CHSY3: variants seen among roughly 807,000 people sequenced by gnomAD.
CHSY3 encodes chondroitin sulfate synthase 3.
Under a neutral mutation model 67.2 loss-of-function variants are expected in CHSY3, and 35 were observed. The observed-to-expected ratio is 0.52, with a 90% CI of 0.40 to 0.69. The LOEUF is 0.69. CHSY3 is among the 30% of genes least tolerant of loss of function. CHSY3 has a pLI of 0.00. For missense variants in CHSY3, 1,069 were observed against 1,138.5 expected, an observed-to-expected ratio of 0.94 and a Z score of 0.88; for synonymous variants, 474 against 434.7, an observed-to-expected ratio of 1.09 and a Z score of -1.12.
intron 2 of CHSY3, among the ~76,000 whole-genome samples, chr5:129,937,921 G>A (rs1167796001): frequency 2.0e-5 from 3 of 152,118 alleles, no homozygotes; most frequent in Non-Finnish European, 2.9e-5. Context: ...TGCTTTCACA[G>A]GCTGGTGTAT....
intron 2 of CHSY3, among the ~76,000 whole-genome samples, chr5:130,106,107 G>A (rs1012045421): frequency 6.6e-6 from 1 of 151,688 alleles, no homozygotes; most frequent in Non-Finnish European, 1.5e-5. Context: ...ATGAGAATAA[G>A]AGTCTCAGAC....
chr5:130,171,116 A>G (rs1213406265), intron 2 of CHSY3, among the ~76,000 whole-genome samples: 1 of 152,182 alleles, frequency 6.6e-6, no homozygotes, highest in Non-Finnish European at 1.5e-5. Flanking sequence ...ATGTTTAGGG[A>G]AAAAATAAAT....
intron 2 of CHSY3, among the ~76,000 whole-genome samples, chr5:129,959,065 G>A (rs556472479): frequency 6.6e-6 from 1 of 151,996 alleles, no homozygotes; most frequent in Admixed American, 6.6e-5. Flanking sequence ...AATCCCAAGT[G>A]AATATGCTCT....
At chr5:130,133,349 T>C (rs1376029750) in intron 2 of CHSY3, among the ~76,000 whole-genome samples, 3 of 152,166 alleles carry the variant, frequency 2.0e-5, no homozygotes, top group Non-Finnish European at 4.4e-5. Context: ...TACTCATGAC[T>C]ACCGGGTAGC....
chr5:130,050,924 T>C (rs931901481), intron 2 of CHSY3, among the ~76,000 whole-genome samples: 4 of 152,158 alleles, frequency 2.6e-5, no homozygotes, highest in Admixed American at 6.6e-5. Flanking sequence ...GTGTTAATTG[T>C]TATATACCCA....
At chr5:129,973,538 A>G (rs999194770) in intron 2 of CHSY3, among the ~76,000 whole-genome samples, 4 of 152,156 alleles carry the variant, frequency 2.6e-5, no homozygotes, top group African/African-American at 9.7e-5. Context: ...TCAGAATTTC[A>G]AAATGATTAT....
rs1440954114 is a variant in CHSY3 at position 130,185,426 on chromosome 5, A to G, written c.2284A>G (p.Thr762Ala). 2.5e-6 allele frequency: 4 copies of G among 1,613,794 alleles called. No individual in the cohort carries two copies. The Admixed American group carries it at 6.7e-5, about 27-fold the overall frequency. The change falls in exon 3 of 3, where the codon ACT becomes GCT. Residue 762 changes from threonine (T) to alanine (A), a missense_variant. Around this residue, in one of 5 missense-constraint regions of CHSY3, gnomAD observed 139 missense variants for 152.8 expected, o/e 0.91. Coordinates refer to ENST00000305031, the MANE Select transcript of CHSY3 (RefSeq NM_175856.5). The part of the protein sequence containing the change: ...PKVTNGGNPP[T>A]DDYFIFSKKT... ...GGTAACAAACGGGGGAAATCCTCCC[A>G]CTGATGATTACTTCATATTCTCAAA...
chr5:130,177,903 A>G (rs1178223134), intron 2 of CHSY3, among the ~76,000 whole-genome samples: 1 of 151,870 alleles, frequency 6.6e-6, no homozygotes, highest in African/African-American at 2.4e-5. Context: ...GGATCTCCTG[A>G]ACTGTTCCTT....
At chr5:130,013,447 G>T (rs1050323017) in intron 2 of CHSY3, among the ~76,000 whole-genome samples, 3 of 152,192 alleles carry the variant, frequency 2.0e-5, no homozygotes, top group Admixed American at 6.6e-5. Context: ...GCAAGCTTCT[G>T]CCTGGATATC....
chr5:130,153,592 T>C (rs1002963970), intron 2 of CHSY3, among the ~76,000 whole-genome samples: 1 of 152,168 alleles, frequency 6.6e-6, no homozygotes, highest in East Asian at 1.9e-4. Context: ...TTACAGCTCC[T>C]TGAAGGCAGG....
intron 2 of CHSY3, among the ~76,000 whole-genome samples, chr5:130,157,667 A>G (rs1769411755): frequency 6.6e-6 from 1 of 152,240 alleles, no homozygotes; most frequent in Non-Finnish European, 1.5e-5. Context: ...CCAGACCCCA[A>G]AAGAGGGTTC....
intron 2 of CHSY3, among the ~76,000 whole-genome samples, chr5:130,029,612 A>G (rs1047555144): frequency 1.3e-5 from 2 of 152,170 alleles, no homozygotes; most frequent in African/African-American, 4.8e-5. Flanking sequence ...AACATGCAAT[A>G]TATTATACAC....
intron 2 of CHSY3, among the ~76,000 whole-genome samples, chr5:130,089,031 A>G (rs1766775505): frequency 6.6e-6 from 1 of 152,088 alleles, no homozygotes; most frequent in Admixed American, 6.6e-5. Context: ...ACCATGGAAT[A>G]CTATGTAGCC....
chr5:130,125,903 A>G (rs1414432774), intron 2 of CHSY3, among the ~76,000 whole-genome samples: 2 of 152,226 alleles, frequency 1.3e-5, no homozygotes, highest in South Asian at 2.1e-4. Context: ...TTTCCACTCC[A>G]TAATAAAATG....
At chr5:129,994,000 T>G (rs375140617) in intron 2 of CHSY3, among the ~76,000 whole-genome samples, 355 of 152,206 alleles carry the variant, frequency 2.3e-3, no homozygotes, top group Non-Finnish European at 3.6e-3. Context: ...TGAAATTCTG[T>G]GTTGAAAATT....
chr5:129,993,693 G>A (rs920360729), intron 2 of CHSY3, among the ~76,000 whole-genome samples: 9 of 152,088 alleles, frequency 5.9e-5, no homozygotes, highest in Non-Finnish European at 1.0e-4. Context: ...TTTAATTGGA[G>A]CATTTAGCCC....
rs902574282 is a variant in CHSY3 at position 130,186,424 on chromosome 5, T to A, written c.*633T>A. 6.5e-6 allele frequency: 1 copy of A among 152,796 alleles called. No individual in the cohort carries two copies. Among genetic ancestry groups the A allele is most frequent in the Non-Finnish European group, 1.5e-5 (1 of 68,032 alleles). The allele number at this position is 152,796 out of a possible 1,614,324, so 9.5% of individuals were successfully genotyped here. ...ACCGGTACTGGCTACCCTGGTCTTA[T>A]GACAATTATGAGCTCCTCACAACTG... On this transcript the variant is annotated 3_prime_UTR_variant, in exon 3 of 3. Transcript: ENST00000305031.
intron 2 of CHSY3, among the ~76,000 whole-genome samples, chr5:129,940,618 T>G (rs1249790914): frequency 6.6e-6 from 1 of 152,076 alleles, no homozygotes; most frequent in Non-Finnish European, 1.5e-5. Flanking sequence ...AACTCTGATT[T>G]TAAAATTTCA....
intron 2 of CHSY3, among the ~76,000 whole-genome samples, chr5:130,086,255 G>C (rs537544021): frequency 2.6e-5 from 4 of 152,002 alleles, no homozygotes; most frequent in Non-Finnish European, 5.9e-5. Flanking sequence ...AAGTCTCTTT[G>C]TAGGTCACTC....
Sources: allele counts gnomAD v4.1 joint callset (sites outside exome capture counted in the v4.1 genomes callset), GRCh38; gene constraint gnomAD v4.1.1; regional missense constraint gnomAD v4.1.1; transcripts MANE v1.5; gene names NCBI Gene and HGNC (gene_info 2026-07-23, HGNC 2026-07-21).